CCT7: variants seen among roughly 807,000 people sequenced by gnomAD.
The protein encoded by CCT7 is T-complex protein 1 subunit eta.
Under a neutral mutation model 56.6 loss-of-function variants are expected in CCT7, and 16 were observed. The observed-to-expected ratio is 0.28, with a 90% confidence interval of 0.19 to 0.43. CCT7 has a LOEUF of 0.43. Ranked by LOEUF, CCT7 falls within the 20% of genes least tolerant of loss-of-function variation. The pLI, the probability that CCT7 is intolerant of heterozygous loss-of-function variation, is 1.00. For missense variants in CCT7, 519 were observed against 685.6 expected (o/e 0.76, Z 2.71); for synonymous variants, 262 against 254.8 (o/e 1.03, Z -0.27).
At position 73,247,776 on chromosome 2, in the gene CCT7, A is replaced by G; in HGVS notation, c.633A>G (p.Val211=). Residue 211 remains valine, a synonymous_variant, in exon 7 of 12, where the codon GTA becomes GTG. Coordinates refer to ENST00000258091, the MANE Select transcript of CCT7 (RefSeq NM_006429.4). ...TTTTAAAACAGGATTCTCAGCTGGT[A>G]GCTGGTGTTGCATTCAAGAAGACTT... ...QGGALEDSQL[V]AGVAFKKTFS... 1 of 1,613,912 alleles carries G rather than the reference A, an allele frequency of 6.2e-7. No homozygotes were observed. Among genetic ancestry groups the G allele is most frequent in the South Asian group, 1.1e-5 (1 of 91,076 alleles).
intron 1 of CCT7, chr2:73,235,493 C>A: frequency 1.0e-6 from 1 of 977,244 alleles, no homozygotes; most frequent in East Asian, 1.2e-4. Flanking sequence ...CCGCTTGTAC[C>A]CAAGGTAGAA....
At chr2:73,247,634 C>A in intron 6 of CCT7, 128 bp from the exon 7 acceptor site, 2 of 660,080 alleles carry the variant, frequency 3.0e-6, no homozygotes, top group African/African-American at 1.8e-5. Context: ...GGCTGTGTTA[C>A]AGCAGTGAAA....
intron 7 of CCT7, among the ~76,000 whole-genome samples, chr2:73,248,305 G>A (rs1246168): frequency 0.025 from 3,873 of 152,060 alleles, 75 homozygotes; most frequent in Middle Eastern, 0.055. Flanking sequence ...GCTACCTCTG[G>A]AGGTAGCCAT....
intron 6 of CCT7, among the ~76,000 whole-genome samples, chr2:73,246,729 C>T (rs1035612734): frequency 1.3e-5 from 2 of 152,180 alleles, no homozygotes; most frequent in East Asian, 3.9e-4. Context: ...TTCTCTGATT[C>T]CACAACACTG....
At chr2:73,244,152 C>A in intron 5 of CCT7, 103 bp downstream of exon 5, 1 of 1,133,472 alleles carries the variant, frequency 8.8e-7, no homozygotes, top group Non-Finnish European at 1.3e-6. Flanking sequence ...CTCCCACCTG[C>A]GACTCCCAAA....
chr2:73,234,899 G>C (rs532922118), intron 1 of CCT7, among the ~76,000 whole-genome samples: 4 of 152,334 alleles, frequency 2.6e-5, no homozygotes, highest in African/African-American at 9.6e-5. Context: ...CAGAGAAGCA[G>C]ACGCCTTCCC....
chr2:73,247,992 C>T (rs1453099645), intron 7 of CCT7, 66 bp downstream of exon 7: 1 of 1,429,224 alleles, frequency 7.0e-7, no homozygotes, highest in Non-Finnish European at 9.8e-7. Context: ...AGCCCTGGGT[C>T]TTCATGGCTA....
chr2:73,249,635 G>C (rs555750933), intron 8 of CCT7, among the ~76,000 whole-genome samples, 184 bp from the exon 9 acceptor site: 2 of 149,850 alleles, frequency 1.3e-5, no homozygotes, highest in Non-Finnish European at 2.9e-5. Flanking sequence ...ATGTGTTTTA[G>C]TTCTATTTTG....
rs1478071720 is a variant in CCT7, at chr2:73,240,305, T to C, written c.161-132T>C. 7.5e-6 allele frequency: 4 copies of C among 531,180 alleles called. No individual in the cohort carries two copies. In the South Asian group the frequency reaches 8.9e-5, roughly 12 times the overall value. 32.9% of individuals were successfully genotyped at this position (531,180 alleles called of 1,614,324 possible). On this transcript the variant is annotated intron_variant, in intron 2 of 11. Transcript: ENST00000258091. ...GCTAATTCTGTATAGAAAGATCAGA[T>C]AGGTATCCTTTCCCTTCAGCCCTGC... is the stretch of plus-strand genomic sequence containing the variant.
Position 73,239,735 on chromosome 2 carries a change from T to C in CCT7, c.99T>C (p.Ala33=). 1 of 1,613,970 alleles carries C rather than the reference T, an allele frequency of 6.2e-7. No individual in the cohort carries two copies. Among genetic ancestry groups the C allele is most frequent in the Non-Finnish European group, 8.5e-7 (1 of 1,179,862 alleles). The change falls in exon 2 of 12, where the codon GCT becomes GCC. Residue 33 remains alanine, a synonymous_variant. Coordinates refer to ENST00000258091, the MANE Select transcript of CCT7 (RefSeq NM_006429.4). The part of the protein sequence containing the change: ...VSNISACQVI[A]EAVRTTLGPR... The stretch of plus-strand genomic sequence containing the variant: ...ACATCAGTGCCTGCCAGGTGATTGC[T>C]GAGGCTGTAAGAACTACCCTGGGTC...
intron 4 of CCT7, 75 bp from the exon 5 acceptor site, chr2:73,243,922 C>G: frequency 7.4e-7 from 1 of 1,344,782 alleles, no homozygotes; most frequent in Admixed American, 1.7e-5. Flanking sequence ...AGACTCAGGA[C>G]TATTGAGAGA....
intron 1 of CCT7, among the ~76,000 whole-genome samples, chr2:73,238,021 C>A (rs1045886072): frequency 6.6e-6 from 1 of 152,154 alleles, no homozygotes; most frequent in Non-Finnish European, 1.5e-5. Flanking sequence ...GACCCTGTCT[C>A]TTAGAAATAT....
At chr2:73,241,742 T>G (rs985463514) in intron 3 of CCT7, among the ~76,000 whole-genome samples, 1 of 152,034 alleles carries the variant, frequency 6.6e-6, no homozygotes, top group Non-Finnish European at 1.5e-5. Context: ...CCAGTAGTTT[T>G]TTTTTTTTTT....
intron 4 of CCT7, chr2:73,243,756 T>C: frequency 4.2e-6 from 2 of 481,874 alleles, no homozygotes; most frequent in Non-Finnish European, 7.3e-6. Context: ...AGCAAAATCT[T>C]GGAAGCACCC....
intron 3 of CCT7, 109 bp downstream of exon 3, chr2:73,240,652 A>G (rs1687067101): frequency 1.9e-6 from 1 of 527,180 alleles, no homozygotes; most frequent in South Asian, 3.7e-5. Context: ...TAATTGTACA[A>G]GTAATACATG....
chr2:73,235,946 C>T (rs1449740417), intron 1 of CCT7, among the ~76,000 whole-genome samples: 1 of 152,238 alleles, frequency 6.6e-6, no homozygotes, highest in East Asian at 1.9e-4. Flanking sequence ...CCTGAACTGA[C>T]CCCTCCTCTG....
At chr2:73,243,724 A>G in intron 4 of CCT7, 1 of 410,172 alleles carries the variant, frequency 2.4e-6, no homozygotes, top group Non-Finnish European at 4.3e-6. Flanking sequence ...CATTCGTTGT[A>G]GCGTGTTACC....
rs759897318 is a variant in CCT7 at position 73,234,336 on chromosome 2, G to A, written c.-43G>A. The A allele has an allele frequency of 3.7e-6, 6 of 1,613,374 alleles. No homozygotes were observed. The highest frequency in any genetic ancestry group is 2.2e-5 in the South Asian group (2 of 91,072). On this transcript the variant is annotated 5_prime_UTR_variant, in exon 1 of 12. Coordinates refer to ENST00000258091, the MANE Select transcript of CCT7 (RefSeq NM_006429.4). ...GTGGGTTGCTGGGCGGCCCGGTCTC[G>A]GAGAAGAGGGGAGAGTGGCGGGCCG...
rs1053645988 is a variant in CCT7 at position 73,244,596 on chromosome 2, C to T, written c.499C>T (p.Leu167=). ...TGCCATGACCGCTCTGAGCTCCAAG[C>T]TGATCTCCCAGCAGAAAGCTTTCTT... The part of the protein sequence containing the change: ...KCAMTALSSK[L]ISQQKAFFAK... The change falls in exon 6 of 12, where the codon CTG becomes TTG. Residue 167 remains leucine (L), a synonymous_variant. Transcript: ENST00000258091. 2 of 1,613,716 alleles carry T rather than the reference C, an allele frequency of 1.2e-6. No homozygotes were observed. Among genetic ancestry groups the T allele is most frequent in the African/African-American group, 2.7e-5 (2 of 74,916 alleles).
Sources: allele counts gnomAD v4.1 joint callset (sites outside exome capture counted in the v4.1 genomes callset), GRCh38; gene constraint gnomAD v4.1.1; transcripts MANE v1.5; gene names NCBI Gene and HGNC (gene_info 2026-07-23, HGNC 2026-07-21).